DAGLA: variants seen among roughly 807,000 people sequenced by gnomAD.
The protein encoded by DAGLA is diacylglycerol lipase-alpha.
Under a neutral mutation model 102.6 loss-of-function variants are expected in DAGLA, and 22 were observed. The observed-to-expected ratio is 0.21, with a 90% confidence interval of 0.15 to 0.31. The LOEUF is 0.31. Ranked by LOEUF, DAGLA falls within the 10% of genes least tolerant of loss-of-function variation. The pLI, the probability that DAGLA is intolerant of heterozygous loss-of-function variation, is 1.00. For synonymous variants in DAGLA, 578 were observed against 628.9 expected (o/e 0.92, Z 1.21); for missense variants, 927 against 1,446.6 (o/e 0.64, Z 5.83).
Position 61,740,480 on chromosome 11 carries a change from A to G in DAGLA, c.1871A>G (p.Glu624Gly), listed in dbSNP as rs370182691. The G allele has an allele frequency of 1.9e-6, 3 of 1,613,694 alleles. No homozygotes were observed. The highest frequency in any genetic ancestry group is 2.5e-6 in the Non-Finnish European group (3 of 1,179,918). Residue 624 changes from glutamate to glycine, a missense_variant, in exon 18 of 20, where the codon GAG (glutamate) becomes GGG (glycine). Glu to Gly is a moderately conservative substitution (Grantham distance 98). Transcript: ENST00000257215. ...AEQCCCCEQE[E>G]PTYFAIWGDN... Reference sequence around the variant, plus strand: ...CCTCTCAGCTGCTGTGAGCAGGAGGAGCCCACATACTTTGCCATCTGGGGC... The same window carrying G: ...CCTCTCAGCTGCTGTGAGCAGGAGGGGCCCACATACTTTGCCATCTGGGGC...
In DAGLA at chr11:61,686,316, T is replaced by A. The variant is rs564204781; in HGVS notation, c.-45+5812T>A. ...TGACTTTCAGCGGGTCTGACTCCCG[T>A]CAGTGCTGGGCGGGAGTGTGAACGG... On this transcript the variant is annotated intron_variant, in intron 1 of 19. Coordinates refer to ENST00000257215, the MANE Select transcript of DAGLA (RefSeq NM_006133.3). This position sits in a 1 kb window ranked among gnomAD's most constrained non-coding sequence, Gnocchi z 5.2. Among the ~76,000 whole-genome samples the A allele has an allele frequency of 2.0e-5, 3 of 152,294 alleles. No homozygotes were observed. In the East Asian group the frequency reaches 5.8e-4, roughly 29 times the overall value.
At chr11:61,698,035 G>A (rs541807901) in intron 1 of DAGLA, among the ~76,000 whole-genome samples, 2 of 152,366 alleles carry the variant, frequency 1.3e-5, no homozygotes, top group African/African-American at 4.8e-5. Context: ...AGTGAGCAAT[G>A]GCTGGTACTA....
In DAGLA at chr11:61,728,944, T is replaced by C. The variant is rs746084446; in HGVS notation, c.785T>C (p.Ile262Thr). The C allele has an allele frequency of 3.7e-6, 6 of 1,614,168 alleles. No individual in the cohort carries two copies. Among genetic ancestry groups the C allele is most frequent in the Non-Finnish European group, 5.1e-6 (6 of 1,180,004 alleles). Reference protein sequence around the residue: ...NAVLDEANNDILAFLSGMPVT... With the variant: ...NAVLDEANNDTLAFLSGMPVT... ...CCGGTCTTACAGGCAAACAATGACA[T>C]CTTGGCCTTCCTGTCTGGGATGCCG... The change falls in exon 8 of 20, where the codon ATC becomes ACC. Residue 262 changes from isoleucine (I) to threonine (T), a missense_variant. Physicochemically the swap from Ile to Thr is moderately conservative, Grantham distance 89. Coordinates refer to ENST00000257215, the MANE Select transcript of DAGLA (RefSeq NM_006133.3).
intron 1 of DAGLA, among the ~76,000 whole-genome samples, chr11:61,693,303 T>C (rs2065038994): frequency 6.6e-6 from 1 of 151,912 alleles, no homozygotes; most frequent in Non-Finnish European, 1.5e-5. Context: ...CTATTTTCTA[T>C]AGAGAACTTG....
chr11:61,728,485 G>A (rs1038704804), intron 7 of DAGLA, among the ~76,000 whole-genome samples, 198 bp downstream of exon 7: 7 of 152,162 alleles, frequency 4.6e-5, no homozygotes, highest in South Asian at 2.1e-4. Flanking sequence ...CAGGCTTTCC[G>A]TGACTACTAC....
intron 18 of DAGLA, 38 bp downstream of exon 18, chr11:61,740,630 G>T: frequency 6.2e-7 from 1 of 1,606,138 alleles, no homozygotes. Context: ...CAGGGAATAA[G>T]GCACTGTCAC....
intron 1 of DAGLA, among the ~76,000 whole-genome samples, chr11:61,710,720 T>C (rs1030749619): frequency 5.3e-5 from 8 of 152,116 alleles, no homozygotes; most frequent in African/African-American, 1.9e-4. Flanking sequence ...GAAGATTGAC[T>C]TAGATCGCGG....
At chr11:61,690,807 C>T (rs1446394461) in intron 1 of DAGLA, among the ~76,000 whole-genome samples, 1 of 152,178 alleles carries the variant, frequency 6.6e-6, no homozygotes, top group African/African-American at 2.4e-5. Context: ...AAGGAAGGCC[C>T]CCTTTGGCTA....
chr11:61,720,109 C>T lies in DAGLA; in HGVS notation c.-44-3C>T. 1.3e-6 allele frequency: 2 copies of T among 1,592,854 alleles called. No individual in the cohort carries two copies. Among genetic ancestry groups the T allele is most frequent in the East Asian group, 2.2e-5 (1 of 44,786 alleles). ...AGCTATAAGGTCCTCTGCTTTCTTT[C>T]AGGAGGTGAGCACCAGGCCCACTGA... On this transcript the variant is annotated splice_region_variant and splice_polypyrimidine_tract_variant and intron_variant, in intron 1 of 19. Transcript: ENST00000257215.
rs1444819283 is a variant in DAGLA at position 61,684,162 on chromosome 11, G to C, written c.-45+3658G>C. ...CACTCCTCCCCCAGTCCCTCTCCTCGAGACCAGAGGGGAACCTCAGTGTTT... is the reference window on the plus strand; with the variant it reads ...CACTCCTCCCCCAGTCCCTCTCCTCCAGACCAGAGGGGAACCTCAGTGTTT... On this transcript the variant is annotated intron_variant, in intron 1 of 19. Coordinates refer to ENST00000257215, the MANE Select transcript of DAGLA (RefSeq NM_006133.3). This position sits in a 1 kb window ranked among gnomAD's most constrained non-coding sequence, Gnocchi z 4.5. Among the ~76,000 whole-genome samples, 1 of 152,178 alleles carries C rather than the reference G, an allele frequency of 6.6e-6. No individual in the cohort carries two copies. Among genetic ancestry groups the C allele is most frequent in the South Asian group, 2.1e-4 (1 of 4,830 alleles).
At position 61,722,933 on chromosome 11, in the gene DAGLA, G is replaced by A. The variant is rs1407481438; in HGVS notation, c.382G>A (p.Asp128Asn). 3 of 1,614,068 alleles carry A rather than the reference G, an allele frequency of 1.9e-6. No homozygotes were observed. Among genetic ancestry groups the A allele is most frequent in the Middle Eastern group, 3.3e-4 (2 of 6,062 alleles). ...WLTQYYTSCN[D>N]LTAKNVTLGM... ...CACTCAGTACTACACCTCCTGCAAC[G>A]ACCTCACTGCCAAGAATGTCACCCT... The change falls in exon 4 of 20, where the codon GAC becomes AAC. Residue 128 changes from aspartate to asparagine, a missense_variant. Transcript: ENST00000257215.
In DAGLA at chr11:61,684,377, C is replaced by A. The variant is rs1265233295; in HGVS notation, c.-45+3873C>A. On this transcript the variant is annotated intron_variant, in intron 1 of 19. Coordinates refer to ENST00000257215, the MANE Select transcript of DAGLA (RefSeq NM_006133.3). This position sits in a 1 kb window ranked among gnomAD's most constrained non-coding sequence, Gnocchi z 4.5. The stretch of plus-strand genomic sequence containing the variant: ...GCGGTTACCTCCCCAGCGGATAGGG[C>A]TGAAAATGGTTTATTTTGATTTTCT... Among the ~76,000 whole-genome samples, 1 of 152,224 alleles carries A rather than the reference C, an allele frequency of 6.6e-6. No individual in the cohort carries two copies. The highest frequency in any genetic ancestry group is 1.9e-4 in the East Asian group (1 of 5,200).
rs764986539 is a variant in DAGLA at position 61,736,397 on chromosome 11, C to G, written c.1371+47C>G. 3.4e-6 allele frequency: 5 copies of G among 1,470,610 alleles called. No homozygotes were observed. The Admixed American group carries it at 5.0e-5, about 15-fold the overall frequency. 91.1% of individuals were successfully genotyped at this position (1,470,610 alleles called of 1,614,324 possible). On this transcript the variant is annotated intron_variant, in intron 13 of 19. Coordinates refer to ENST00000257215, the MANE Select transcript of DAGLA (RefSeq NM_006133.3). ...CAAGCCTTTTCACACCTGGGTCCCCCTCCTCCAACGCAGCACAGAGAGGAG... is the reference window on the plus strand; with the variant it reads ...CAAGCCTTTTCACACCTGGGTCCCCGTCCTCCAACGCAGCACAGAGAGGAG...
At chr11:61,717,898 AG>A (rs901396430) in intron 1 of DAGLA, among the ~76,000 whole-genome samples, 2 of 152,184 alleles carry the variant, frequency 1.3e-5, no homozygotes, top group African/African-American at 4.8e-5. Context: ...TCACCTCTGC[AG>A]GGCCCAGGGC....
intron 8 of DAGLA, 92 bp downstream of exon 8, chr11:61,729,100 A>C: frequency 2.6e-6 from 3 of 1,146,852 alleles, no homozygotes; most frequent in Non-Finnish European, 3.9e-6. Flanking sequence ...CTGCCCTTGC[A>C]GTGCCAGCCA....
At chr11:61,682,317 G>A (rs746969491) in intron 1 of DAGLA, among the ~76,000 whole-genome samples, 10 of 152,206 alleles carry the variant, frequency 6.6e-5, no homozygotes, top group Non-Finnish European at 1.3e-4. Context: ...GACCAGGGCT[G>A]GAGGCAGGAG....
chr11:61,739,640 A>G lies in DAGLA; in HGVS notation c.1832A>G (p.Asn611Ser), dbSNP rs761475440. ...PPGRIIHVVH[N>S]HPAEQCCCCE... ...GGCCGCATCATCCACGTGGTCCACAACCACCCTGCAGAGCAGTGCTGGTAG... is the reference window on the plus strand; with the variant it reads ...GGCCGCATCATCCACGTGGTCCACAGCCACCCTGCAGAGCAGTGCTGGTAG... Residue 611 changes from asparagine to serine, a missense_variant, in exon 17 of 20, where the codon AAC becomes AGC. Transcript: ENST00000257215. 5.6e-6 allele frequency: 9 copies of G among 1,613,806 alleles called. No homozygotes were observed. Among genetic ancestry groups the G allele is most frequent in the Non-Finnish European group, 6.8e-6 (8 of 1,180,022 alleles).
At chr11:61,691,965 A>T (rs2065027843) in intron 1 of DAGLA, among the ~76,000 whole-genome samples, 1 of 152,358 alleles carries the variant, frequency 6.6e-6, no homozygotes, top group African/African-American at 2.4e-5. Flanking sequence ...TGATGGGCAC[A>T]CAGATCACTG....
At chr11:61,742,623 CAGG>C (rs2065490421) in intron 19 of DAGLA, among the ~76,000 whole-genome samples, 1 of 152,182 alleles carries the variant, frequency 6.6e-6, no homozygotes, top group Non-Finnish European at 1.5e-5. Flanking sequence ...CCATGGGAGA[CAGG>C]AGGAGACCCG....
Sources: gnomAD v4.1 joint callset for allele counts (sites outside exome capture counted in the v4.1 genomes callset) on GRCh38, gnomAD v4.1.1 for gene constraint, Gnocchi (gnomAD v3.1) non-coding constraint, MANE v1.5 for transcripts, NCBI Gene and HGNC (gene_info 2026-07-23, HGNC 2026-07-21) for gene names.